Variants in ATP10B observed in about 807,000 individuals in gnomAD.
ATP10B encodes the protein ATPase phospholipid transporting 10B (putative).
A neutral mutation model predicts 141.2 loss-of-function variants in ATP10B; 122 were observed. The ratio of observed to expected loss-of-function variants is 0.86; its 90% CI spans 0.75 to 1.00. The LOEUF (loss-of-function observed/expected upper bound fraction) is 1.00. Among genes scored for constraint, ATP10B ranks in the 50% least tolerant of loss-of-function variants. ATP10B has a pLI of 0.00. For missense variants in ATP10B, 1,876 were observed against 1,825.3 expected (o/e 1.03, Z -0.51); for synonymous variants, 685 against 692.0 (o/e 0.99, Z 0.16).
chr5:160,664,083 T>C (rs2127717515), intron 7 of ATP10B, among the ~76,000 whole-genome samples: 1 of 152,308 alleles, frequency 6.6e-6, no homozygotes, highest in South Asian at 2.1e-4. Context: ...AAAAGAATCC[T>C]AGAAAATGTG....
chr5:160,756,192 CTTAA>C (rs1188778935), intron 2 of ATP10B, among the ~76,000 whole-genome samples: 2 of 150,906 alleles, frequency 1.3e-5, no homozygotes, highest in African/African-American at 2.4e-5. Context: ...TTTTTTGAAT[CTTAA>C]TTATTTTGAG....
chr5:160,639,451 T>C (rs1759662229), intron 10 of ATP10B, among the ~76,000 whole-genome samples: 1 of 152,078 alleles, frequency 6.6e-6, no homozygotes. Context: ...AGGTGTCTTG[T>C]AAAAGGCAGG....
At chr5:160,602,509 G>T in intron 21 of ATP10B, 68 bp downstream of exon 21, 2 of 1,605,176 alleles carry the variant, frequency 1.2e-6, no homozygotes, top group South Asian at 1.1e-5. Context: ...CCCACTGCTA[G>T]GGAGAGATCT....
chr5:160,671,179 A>AG (rs1201628070), intron 6 of ATP10B, among the ~76,000 whole-genome samples: 1 of 150,978 alleles, frequency 6.6e-6, no homozygotes, highest in Admixed American at 6.6e-5. Flanking sequence ...AAAAAAAAAA[A>AG]AAAAAAAAAA....
At chr5:160,876,940 G>A in the ATP10B span, among the ~76,000 whole-genome samples, 4 of 141,600 alleles carry the variant, frequency 2.8e-5, no homozygotes, top group East Asian at 2.3e-4. Context: ...ATTCACAGCC[G>A]AATTCTACCA....
intron 22 of ATP10B, 114 bp downstream of exon 22, chr5:160,598,656 C>G (rs1168807737): frequency 1.1e-6 from 1 of 904,956 alleles, no homozygotes; most frequent in South Asian, 1.6e-5. Flanking sequence ...GAACAGTGGT[C>G]AGAATGCAGG....
intron 2 of ATP10B, among the ~76,000 whole-genome samples, chr5:160,771,935 A>G (rs571739126): frequency 6.6e-6 from 1 of 152,350 alleles, no homozygotes; most frequent in East Asian, 1.9e-4. Context: ...AAAGCAGTTT[A>G]CCTTAAGACA....
intron 1 of ATP10B, among the ~76,000 whole-genome samples, chr5:160,842,455 G>A (rs1338879910): frequency 2.0e-5 from 3 of 151,882 alleles, no homozygotes; most frequent in Non-Finnish European, 4.4e-5. Context: ...CCCAACAAAT[G>A]TAAACGGAAG....
intron 23 of ATP10B, 25 bp from the exon 24 acceptor site, chr5:160,589,721 T>C (rs190669413): frequency 1.5e-5 from 24 of 1,560,270 alleles, no homozygotes; most frequent in Non-Finnish European, 1.9e-5. Flanking sequence ...CAGACAGGCA[T>C]TGTCAGGTAT....
chr5:160,669,100 G>T (rs903982440), intron 7 of ATP10B, among the ~76,000 whole-genome samples: 2 of 152,174 alleles, frequency 1.3e-5, no homozygotes, highest in African/African-American at 4.8e-5. Context: ...ATGAAGAAAA[G>T]TGATAAAATT....
chr5:160,886,477 A>G, the ATP10B span, among the ~76,000 whole-genome samples: 4 of 152,166 alleles, frequency 2.6e-5, no homozygotes, highest in African/African-American at 9.7e-5. Flanking sequence ...GGTGAGGGGA[A>G]GTAACAGGGA....
intron 7 of ATP10B, among the ~76,000 whole-genome samples, chr5:160,669,213 C>T (rs2127723507): frequency 6.6e-6 from 1 of 152,358 alleles, no homozygotes; most frequent in South Asian, 2.1e-4. Context: ...TTCAGTCAGT[C>T]AACACATATT....
chr5:160,671,868 C>T (rs553983491), intron 6 of ATP10B, among the ~76,000 whole-genome samples: 2 of 151,848 alleles, frequency 1.3e-5, no homozygotes, highest in South Asian at 4.2e-4. Flanking sequence ...CAGCCCGACA[C>T]CAAAACCCAC....
At position 160,760,241 on chromosome 5, in the gene ATP10B, G is replaced by A. The variant is rs181817870; in HGVS notation, c.-331+25318C>T. 2.1e-3 allele frequency among the ~76,000 whole-genome samples: 316 copies of A among 152,308 alleles called. 3 individuals carry two copies. Among genetic ancestry groups the A allele is most frequent in the Middle Eastern group, 6.8e-3 (2 of 294 alleles). On this transcript the variant is annotated intron_variant, in intron 2 of 25. Coordinates refer to ENST00000327245, the MANE Select transcript of ATP10B (RefSeq NM_025153.3). ...CACTTTACAAACACTTGTAATAGCAGGCTTGTAGCTCAGCAAAAGGAGGTG... is the reference window on the plus strand; with the variant it reads ...CACTTTACAAACACTTGTAATAGCAAGCTTGTAGCTCAGCAAAAGGAGGTG...
intron 1 of ATP10B, among the ~76,000 whole-genome samples, chr5:160,827,911 G>C (rs144686259): frequency 6.6e-6 from 1 of 152,018 alleles, no homozygotes; most frequent in South Asian, 2.1e-4. Flanking sequence ...GATATGTGGC[G>C]TTATTTCTGA....
intron 16 of ATP10B, among the ~76,000 whole-genome samples, chr5:160,616,648 TG>T (rs1367313867): frequency 1.3e-5 from 2 of 152,220 alleles, no homozygotes; most frequent in African/African-American, 2.4e-5. Context: ...TAGACCCTCC[TG>T]TTGACATTAC....
At chr5:160,626,565 C>G (rs956969182) in intron 13 of ATP10B, among the ~76,000 whole-genome samples, 1 of 152,198 alleles carries the variant, frequency 6.6e-6, no homozygotes, top group African/African-American at 2.4e-5. Flanking sequence ...CTGCCTGATG[C>G]CAAAGTCTAA....
intron 22 of ATP10B, among the ~76,000 whole-genome samples, chr5:160,598,051 A>T (rs7381162): frequency 9.4e-6 from 1 of 105,834 alleles, no homozygotes; most frequent in Non-Finnish European, 2.1e-5. Flanking sequence ...TATACCCAAA[A>T]GACTATAAAT....
intron 1 of ATP10B, among the ~76,000 whole-genome samples, chr5:160,806,108 C>T (rs1403945666): frequency 6.6e-6 from 1 of 152,206 alleles, no homozygotes; most frequent in Non-Finnish European, 1.5e-5. Context: ...AGCCCACCCA[C>T]ACTGGGGACA....
Sources: gnomAD v4.1 joint callset for allele counts (sites outside exome capture counted in the v4.1 genomes callset) on GRCh38, gnomAD v4.1.1 for gene constraint, MANE v1.5 for transcripts, NCBI Gene and HGNC (gene_info 2026-07-23, HGNC 2026-07-21) for gene names.